The following PPARGC1A variants were observed in gnomAD, a reference collection of about 807,000 sequenced individuals.
The protein encoded by PPARGC1A is PPARG coactivator 1 alpha.
A neutral mutation model predicts 88.7 loss-of-function variants in PPARGC1A; 25 were observed. That is an observed-to-expected ratio of 0.28 (90% CI 0.21 to 0.39). PPARGC1A has a LOEUF of 0.39. Ranked by LOEUF, PPARGC1A falls within the 10% of genes least tolerant of loss-of-function variation. The probability of loss-of-function intolerance (pLI) is 1.00; values close to 1 mark genes in which losing one functional copy is unlikely to be tolerated. For synonymous variants in PPARGC1A, 363 were observed against 355.6 expected (o/e 1.02, Z -0.24); for missense variants, 880 against 968.7 (o/e 0.91, Z 1.22).
At chr4:23,873,563 A>G (rs12502554) in intron 2 of PPARGC1A, among the ~76,000 whole-genome samples, 150,663 of 152,274 alleles carry the variant, frequency 0.99, 74,536 homozygotes, top group East Asian at 1. Context: ...CATTTCATTC[A>G]TCCTTTATCT....
At chr4:23,912,234 T>C in the PPARGC1A span, among the ~76,000 whole-genome samples, 2 of 152,116 alleles carry the variant, frequency 1.3e-5, no homozygotes, top group African/African-American at 4.8e-5. Flanking sequence ...AAGAGACAGC[T>C]TGTTGCAGAG....
At chr4:24,038,253 C>A in the PPARGC1A span, among the ~76,000 whole-genome samples, 3 of 152,168 alleles carry the variant, frequency 2.0e-5, no homozygotes, top group East Asian at 5.8e-4. Flanking sequence ...GCCTGTAGCC[C>A]CTCTACAAAA....
the PPARGC1A span, among the ~76,000 whole-genome samples, chr4:24,459,064 G>T: frequency 6.6e-6 from 1 of 151,942 alleles, no homozygotes; most frequent in African/African-American, 2.4e-5. Context: ...TCTACAATAA[G>T]AAAAATTAAT....
At chr4:24,058,333 T>C in the PPARGC1A span, among the ~76,000 whole-genome samples, 1 of 152,344 alleles carries the variant, frequency 6.6e-6, no homozygotes, top group East Asian at 1.9e-4. Context: ...GTCATTTCTG[T>C]CTTGGATTAT....
At chr4:24,028,979 A>G in the PPARGC1A span, among the ~76,000 whole-genome samples, 25 of 152,210 alleles carry the variant, frequency 1.6e-4, no homozygotes, top group African/African-American at 6.0e-4. Flanking sequence ...TTAGGAAAAA[A>G]GAGGAAGAGA....
intron 2 of PPARGC1A, among the ~76,000 whole-genome samples, chr4:23,854,203 T>C (rs930507791): frequency 2.0e-5 from 3 of 152,192 alleles, no homozygotes; most frequent in East Asian, 3.9e-4. Context: ...AGTCCGATAC[T>C]GAGTGTTAGT....
the PPARGC1A span, among the ~76,000 whole-genome samples, chr4:24,009,701 G>A: frequency 0.61 from 92,724 of 152,040 alleles, 29,107 homozygotes; most frequent in African/African-American, 0.75. Flanking sequence ...TGAGATCTCA[G>A]TTTCAGAACA....
chr4:24,157,501 A>AT, the PPARGC1A span, among the ~76,000 whole-genome samples: 2 of 151,970 alleles, frequency 1.3e-5, no homozygotes, highest in African/African-American at 4.8e-5. Context: ...TCTAACAGTG[A>AT]TTTTTTTCTC....
intron 2 of PPARGC1A, among the ~76,000 whole-genome samples, chr4:23,833,746 A>G (rs1725473266): frequency 6.6e-6 from 1 of 152,252 alleles, no homozygotes; most frequent in Non-Finnish European, 1.5e-5. Flanking sequence ...TGGATTCAAG[A>G]GGCCAAAAAG....
intron 4 of PPARGC1A, among the ~76,000 whole-genome samples, chr4:23,828,845 A>G (rs1482441577): frequency 6.6e-6 from 1 of 152,162 alleles, no homozygotes; most frequent in African/African-American, 2.4e-5. Flanking sequence ...ACTCAGCAAC[A>G]TGTAACTAAC....
chr4:24,008,360 T>C, the PPARGC1A span, among the ~76,000 whole-genome samples: 4 of 152,198 alleles, frequency 2.6e-5, no homozygotes, highest in Non-Finnish European at 2.9e-5. Context: ...TTTTCCCCCT[T>C]GGCAGATATT....
chr4:24,031,794 T>TAATC, the PPARGC1A span, among the ~76,000 whole-genome samples: 1 of 152,206 alleles, frequency 6.6e-6, no homozygotes. Flanking sequence ...GTTCCCCTGG[T>TAATC]AATCTTTCCC....
the PPARGC1A span, among the ~76,000 whole-genome samples, chr4:24,436,891 G>A: frequency 6.6e-6 from 1 of 151,974 alleles, no homozygotes; most frequent in African/African-American, 2.4e-5. Context: ...GGCCACCCCA[G>A]AGCCCAGGTC....
the PPARGC1A span, among the ~76,000 whole-genome samples, chr4:24,379,640 C>T: frequency 6.6e-6 from 1 of 151,796 alleles, no homozygotes; most frequent in Admixed American, 6.6e-5. Flanking sequence ...GAAAAGGTCA[C>T]AAATTTATCT....
the PPARGC1A span, among the ~76,000 whole-genome samples, chr4:24,091,967 A>T: frequency 2.0e-5 from 3 of 151,898 alleles, no homozygotes; most frequent in South Asian, 6.2e-4. Flanking sequence ...GCTCACACAC[A>T]CACCAGAATT....
chr4:24,322,128 G>A, the PPARGC1A span, among the ~76,000 whole-genome samples: 2 of 152,098 alleles, frequency 1.3e-5, no homozygotes, highest in Non-Finnish European at 1.5e-5. Flanking sequence ...AGTTAAAATC[G>A]CCTCAAATCC....
chr4:24,162,909 T>C, the PPARGC1A span, among the ~76,000 whole-genome samples: 9 of 152,128 alleles, frequency 5.9e-5, no homozygotes, highest in South Asian at 2.1e-4. Flanking sequence ...TTCCTTCTTA[T>C]TGGCATTTTC....
At chr4:24,152,879 T>C in the PPARGC1A span, among the ~76,000 whole-genome samples, 1 of 152,210 alleles carries the variant, frequency 6.6e-6, no homozygotes, top group Non-Finnish European at 1.5e-5. Context: ...TTGGAATTTC[T>C]CAACTCTCAC....
At chr4:23,938,363 A>G in the PPARGC1A span, among the ~76,000 whole-genome samples, 5 of 152,118 alleles carry the variant, frequency 3.3e-5, no homozygotes, top group African/African-American at 4.8e-5. Context: ...TGGTCCAACA[A>G]TTTTCTAGGT....
Sources: allele counts gnomAD v4.1 joint callset (sites outside exome capture counted in the v4.1 genomes callset), GRCh38; gene constraint gnomAD v4.1.1; transcripts MANE v1.5; gene names NCBI Gene and HGNC (gene_info 2026-07-23, HGNC 2026-07-21).